Variants in USH2A observed in about 807,000 individuals in gnomAD.
USH2A encodes the protein Usher syndrome 2A (autosomal recessive, mild).
USH2A carries 443 observed loss-of-function variants against 538.9 expected under a neutral mutation model. The observed-to-expected ratio is 0.82, with a 90% CI of 0.76 to 0.89. The LOEUF is 0.89. USH2A is among the 40% of genes least tolerant of loss of function. USH2A has a pLI of 0.00. For synonymous variants in USH2A, 2,413 were observed against 2,273.5 expected (o/e 1.06, Z -1.75); for missense variants, 6,633 against 6,324.8 (o/e 1.05, Z -1.65).
At chr1:215,687,930 A>G (rs1244030721) in intron 61 of USH2A, among the ~76,000 whole-genome samples, 2 of 152,122 alleles carry the variant, frequency 1.3e-5, no homozygotes, top group Admixed American at 6.5e-5. Context: ...CGAATTTTAC[A>G]TTATAAAGGA....
intron 5 of USH2A, 103 bp downstream of exon 5, chr1:216,327,488 G>T: frequency 1.5e-6 from 2 of 1,378,996 alleles, no homozygotes; most frequent in African/African-American, 1.4e-5. Flanking sequence ...TTGCCAAATG[G>T]TATAAAGATA....
chr1:215,782,338 A>G (rs1661667032), intron 53 of USH2A, 142 bp from the exon 54 acceptor site: 1 of 883,820 alleles, frequency 1.1e-6, no homozygotes, highest in Non-Finnish European at 1.8e-6. Context: ...TGCTGTCTCA[A>G]GCAGTTCCTA....
chr1:215,664,163 A>G (rs1230440819), intron 64 of USH2A, among the ~76,000 whole-genome samples: 1 of 152,216 alleles, frequency 6.6e-6, no homozygotes, highest in Non-Finnish European at 1.5e-5. Flanking sequence ...TGTTACTTGT[A>G]GTGAAATAGT....
At chr1:216,216,780 T>C (rs528832919) in intron 15 of USH2A, among the ~76,000 whole-genome samples, 1 of 152,212 alleles carries the variant, frequency 6.6e-6, no homozygotes, top group East Asian at 1.9e-4. Flanking sequence ...TCTTAGGCTT[T>C]AAGGAATTAA....
At chr1:215,734,841 C>T (rs954915619) in intron 60 of USH2A, among the ~76,000 whole-genome samples, 17 of 152,168 alleles carry the variant, frequency 1.1e-4, no homozygotes, top group African/African-American at 3.6e-4. Context: ...CTGGTCTTCA[C>T]TGTCCATATT....
chr1:216,163,175 A>G (rs1481529649), intron 21 of USH2A, among the ~76,000 whole-genome samples: 1 of 151,898 alleles, frequency 6.6e-6, no homozygotes, highest in Non-Finnish European at 1.5e-5. Flanking sequence ...ATTGTTGCAT[A>G]CGATATTAAG....
At position 215,870,813 on chromosome 1, in the gene USH2A, C is replaced by T. The variant is rs1391088417; in HGVS notation, c.8682-3643G>A. 4.6e-5 allele frequency among the ~76,000 whole-genome samples: 7 copies of T among 152,002 alleles called. No individual in the cohort carries two copies. In the East Asian group the frequency reaches 7.7e-4, roughly 17 times the overall value. ...GTATACTGTTTTTCAAATGGACTTA[C>T]GTGTTGATTGTTGATATTAAATGGG... On this transcript the variant is annotated intron_variant, in intron 43 of 71. Coordinates refer to ENST00000307340, the MANE Select transcript of USH2A (RefSeq NM_206933.4).
chr1:215,882,900 G>C (rs1162097988), intron 41 of USH2A, among the ~76,000 whole-genome samples: 1 of 152,026 alleles, frequency 6.6e-6, no homozygotes, highest in Non-Finnish European at 1.5e-5. Context: ...GTGCTCTTGT[G>C]TTTATTTCAT....
At chr1:215,916,905 T>A (rs1466129971) in intron 38 of USH2A, among the ~76,000 whole-genome samples, 1 of 152,084 alleles carries the variant, frequency 6.6e-6, no homozygotes, top group Non-Finnish European at 1.5e-5. Context: ...TTAAAATTGC[T>A]CTGCAAGACA....
intron 60 of USH2A, among the ~76,000 whole-genome samples, chr1:215,740,930 C>A (rs942315317): frequency 2.0e-5 from 3 of 152,110 alleles, no homozygotes; most frequent in African/African-American, 7.2e-5. Context: ...CTAATGCCAC[C>A]ACTAATCTGA....
At chr1:216,171,872 A>G (rs1442654973) in intron 21 of USH2A, among the ~76,000 whole-genome samples, 1 of 152,140 alleles carries the variant, frequency 6.6e-6, no homozygotes, top group Non-Finnish European at 1.5e-5. Context: ...ATAATAATAT[A>G]CAGAGAGTTA....
chr1:215,767,288 C>T (rs557350442), intron 55 of USH2A, among the ~76,000 whole-genome samples: 1 of 152,286 alleles, frequency 6.6e-6, no homozygotes, highest in Non-Finnish European at 1.5e-5. Context: ...TATCAAATCC[C>T]CCCTGAGTCT....
chr1:216,314,507 T>C (rs1482525967), intron 9 of USH2A, among the ~76,000 whole-genome samples: 2 of 151,956 alleles, frequency 1.3e-5, no homozygotes, highest in African/African-American at 4.8e-5. Flanking sequence ...AAATAAGCAG[T>C]GGTAAAGCCT....
rs1655980907 is a variant in USH2A, at chr1:215,625,403, A to T, written c.*378T>A. 6.6e-6 allele frequency: 2 copies of T among 301,918 alleles called. No individual in the cohort carries two copies. The highest frequency in any genetic ancestry group is 6.6e-5 in the South Asian group (2 of 30,138). The allele number at this position is 301,918 out of a possible 1,614,324, so 18.7% of individuals were successfully genotyped here. A position where few individuals can be genotyped will look rare whatever the true frequency, so the allele number is the denominator to read the frequency against. On this transcript the variant is annotated 3_prime_UTR_variant, in exon 72 of 72. Transcript: ENST00000307340. ...ACAGCAGTGACATCCTTTCAACAGAATCATTTTTGAGCCAGTAACTAACTT... is the reference window on the plus strand; with the variant it reads ...ACAGCAGTGACATCCTTTCAACAGATTCATTTTTGAGCCAGTAACTAACTT...
At chr1:215,650,899 A>G (rs890927288) in intron 64 of USH2A, 98 bp from the exon 65 acceptor site, 18 of 1,322,948 alleles carry the variant, frequency 1.4e-5, no homozygotes, top group African/African-American at 3.0e-5. Flanking sequence ...TTGGCAACCA[A>G]AAGCAACTAA....
chr1:215,629,079 G>A (rs1656172896), intron 70 of USH2A, 44 bp from the exon 71 acceptor site: 5 of 1,561,018 alleles, frequency 3.2e-6, no homozygotes, highest in Admixed American at 1.7e-5. Flanking sequence ...TAAAGAATAT[G>A]GGCTTGAAAT....
rs941779060 is a variant in USH2A, at chr1:215,699,893, A to C, written c.12067-19517T>G. Among the ~76,000 whole-genome samples the C allele has an allele frequency of 3.3e-5, 5 of 152,208 alleles. No individual in the cohort carries two copies. The East Asian group carries it at 9.6e-4, about 29-fold the overall frequency. ...CATCCTTGTCCTGTGCTGGTTTTCCAAGGGAATGCTTCCAGCTTTTGCCCA... is the reference window on the plus strand; with the variant it reads ...CATCCTTGTCCTGTGCTGGTTTTCCCAGGGAATGCTTCCAGCTTTTGCCCA... On this transcript the variant is annotated intron_variant, in intron 61 of 71. Coordinates refer to ENST00000307340, the MANE Select transcript of USH2A (RefSeq NM_206933.4).
chr1:216,242,042 A>G (rs1019031430), intron 13 of USH2A, among the ~76,000 whole-genome samples: 1 of 152,132 alleles, frequency 6.6e-6, no homozygotes, highest in African/African-American at 2.4e-5. Flanking sequence ...TAAAGTTTCA[A>G]TATCTTGAGG....
chr1:216,362,610 A>G (rs2809297), intron 4 of USH2A, among the ~76,000 whole-genome samples: 109,140 of 152,022 alleles, frequency 0.72, 39,637 homozygotes, highest in East Asian at 0.87. Context: ...AACTTCTATG[A>G]ATTTATTTTT....
Sources: allele counts gnomAD v4.1 joint callset (sites outside exome capture counted in the v4.1 genomes callset), GRCh38; gene constraint gnomAD v4.1.1; transcripts MANE v1.5; gene names NCBI Gene and HGNC (gene_info 2026-07-23, HGNC 2026-07-21).